RAD51B: variants seen among roughly 807,000 people sequenced by gnomAD.
RAD51B encodes DNA repair protein RAD51 homolog 2.
Under a neutral mutation model 42.2 loss-of-function variants are expected in RAD51B, and 38 were observed. The observed-to-expected ratio is 0.90, with a 90% CI of 0.70 to 1.18. The LOEUF (loss-of-function observed/expected upper bound fraction) is 1.18, where lower values mean the gene tolerates loss of function less well. RAD51B is among the 50% of genes most tolerant of loss of function. RAD51B has a pLI of 0.00. For synonymous variants in RAD51B, 154 were observed against 145.2 expected, an observed-to-expected ratio of 1.06 and a Z score of -0.43; for missense variants, 373 against 400.7, an observed-to-expected ratio of 0.93 and a Z score of 0.59.
At chr14:68,564,554 G>A (rs528123953) in intron 10 of RAD51B, among the ~76,000 whole-genome samples, 3 of 152,282 alleles carry the variant, frequency 2.0e-5, no homozygotes, top group East Asian at 1.9e-4. Flanking sequence ...GAAGCTTCAC[G>A]ATCCCTTACT....
intron 8 of RAD51B, among the ~76,000 whole-genome samples, chr14:68,315,430 C>T (rs2082037295): frequency 6.6e-6 from 1 of 152,182 alleles, no homozygotes. Context: ...ATGTTAAAAA[C>T]AACAACATCA....
intron 10 of RAD51B, among the ~76,000 whole-genome samples, chr14:68,593,225 G>T (rs34615104): frequency 0.013 from 1,934 of 152,320 alleles, 19 homozygotes; most frequent in Non-Finnish European, 0.019. Flanking sequence ...GCAAGTTAAT[G>T]AACCTCTCTG....
At position 68,565,418 on chromosome 14, in the gene RAD51B, C is replaced by G. The variant is rs992290659; in HGVS notation, c.1037-29067C>G. Among the ~76,000 whole-genome samples the G allele has an allele frequency of 6.6e-6, 1 of 152,160 alleles. No homozygotes were observed. The highest frequency in any genetic ancestry group is 1.5e-5 in the Non-Finnish European group (1 of 68,030). On this transcript the variant is annotated intron_variant, in intron 10 of 10. Transcript: ENST00000487270. This position sits in a 1 kb window ranked among gnomAD's most constrained non-coding sequence, Gnocchi z 4.1. ...TGGGGCACTTGGGATCTGGCTCTCTCAGAGCCAAGCCTTTCTGTTTGGAGT... is the reference window on the plus strand; with the variant it reads ...TGGGGCACTTGGGATCTGGCTCTCTGAGAGCCAAGCCTTTCTGTTTGGAGT...
exon 11 of RAD51B, chr14:68,595,288 C>T: frequency 1.9e-6 from 2 of 1,064,786 alleles, no homozygotes; most frequent in Non-Finnish European, 2.3e-6. Flanking sequence ...TTGCTAAAGG[C>T]ATTTCGCTTC....
intron 7 of RAD51B, among the ~76,000 whole-genome samples, chr14:68,022,286 G>T (rs1043462344): frequency 6.6e-6 from 1 of 152,148 alleles, no homozygotes; most frequent in African/African-American, 2.4e-5. Flanking sequence ...TGGCTGTGTA[G>T]TATTTCATGG....
chr14:68,390,738 T>C (rs1026127549), intron 8 of RAD51B, among the ~76,000 whole-genome samples: 1 of 152,232 alleles, frequency 6.6e-6, no homozygotes, highest in African/African-American at 2.4e-5. Context: ...TTGGGGAAAC[T>C]GAGGCTTAAG....
In RAD51B at chr14:68,112,495, C is replaced by T. The variant is rs751997159; in HGVS notation, c.757-179389C>T. Among the ~76,000 whole-genome samples the T allele has an allele frequency of 3.3e-5, 5 of 152,250 alleles. No individual in the cohort carries two copies. The South Asian group carries it at 1.0e-3, about 32-fold the overall frequency. On this transcript the variant is annotated intron_variant, in intron 7 of 10. Transcript: ENST00000471583. ...GTAGAGATACATGATGACACAGTCA[C>T]AAATCTAATTCTTCATGCAGATAGT...
At chr14:68,146,401 G>A (rs971692942) in intron 7 of RAD51B, among the ~76,000 whole-genome samples, 2 of 152,060 alleles carry the variant, frequency 1.3e-5, no homozygotes, top group African/African-American at 4.8e-5. Context: ...CTCCAGCCTG[G>A]GCAACAGACT....
At chr14:67,947,307 G>T (rs2045429468) in intron 7 of RAD51B, among the ~76,000 whole-genome samples, 2 of 152,158 alleles carry the variant, frequency 1.3e-5, no homozygotes, top group South Asian at 4.1e-4. Context: ...CGGGGGTTAG[G>T]AAATAGTTTC....
intron 7 of RAD51B, among the ~76,000 whole-genome samples, chr14:68,040,814 A>C (rs981843499): frequency 6.6e-6 from 1 of 152,150 alleles, no homozygotes; most frequent in Non-Finnish European, 1.5e-5. Context: ...CTCTGGCCTC[A>C]CTCCAGACCT....
intron 7 of RAD51B, among the ~76,000 whole-genome samples, chr14:67,902,555 G>A (rs17104758): frequency 0.054 from 8,143 of 152,174 alleles, 502 homozygotes; most frequent in African/African-American, 0.15. Flanking sequence ...AGATTGTAAC[G>A]ACATCTGGCT....
chr14:68,436,709 A>G (rs1185269810), intron 9 of RAD51B, among the ~76,000 whole-genome samples: 1 of 152,102 alleles, frequency 6.6e-6, no homozygotes, highest in Non-Finnish European at 1.5e-5. Flanking sequence ...AGTTACTTGT[A>G]GTTCTCCTTG....
At position 68,062,814 on chromosome 14, in the gene RAD51B, CA is replaced by C. The variant is rs962527138; in HGVS notation, c.756+175627del. 4.7e-3 allele frequency among the ~76,000 whole-genome samples: 188 copies of C among 39,768 alleles called. 1 individual carries two copies. In the South Asian group the frequency reaches 0.077, roughly 16 times the overall value. 26.1% of individuals were successfully genotyped at this position (39,768 alleles called of 152,430 possible). On this transcript the variant is annotated intron_variant, in intron 7 of 10. Coordinates refer to ENST00000471583, the MANE Select transcript of RAD51B (RefSeq NM_133510.4). Reference sequence around the variant, plus strand: ...CCTGGGCAAGAGTGAGACTCTGTGACAAAAAAAAAAAAAAAAAGAAAAAAAA... The same window carrying C: ...CCTGGGCAAGAGTGAGACTCTGTGACAAAAAAAAAAAAAAAAGAAAAAAAA...
chr14:67,979,416 G>A (rs1261559643), intron 7 of RAD51B, among the ~76,000 whole-genome samples: 2 of 151,930 alleles, frequency 1.3e-5, no homozygotes, highest in African/African-American at 4.8e-5. Flanking sequence ...CTGGGTGGTG[G>A]GCCCCCAACC....
intron 9 of RAD51B, among the ~76,000 whole-genome samples, chr14:68,426,155 G>A (rs1306577928): frequency 3.3e-5 from 5 of 151,144 alleles, no homozygotes; most frequent in East Asian, 1.9e-4. Context: ...CACAACCTCC[G>A]CCTCCCAGGC....
intron 7 of RAD51B, among the ~76,000 whole-genome samples, chr14:68,122,970 CACACACACACAG>C (rs944856512): frequency 1.2e-4 from 19 of 152,114 alleles, no homozygotes; most frequent in Admixed American, 2.6e-4. Flanking sequence ...AACACACACA[CACACACACACAG>C]ACACACACAC....
intron 8 of RAD51B, among the ~76,000 whole-genome samples, chr14:68,330,368 C>A (rs1481392632): frequency 6.6e-6 from 1 of 152,174 alleles, no homozygotes; most frequent in Non-Finnish European, 1.5e-5. Context: ...CCCCCTTCCA[C>A]TGAGTATATT....
chr14:68,548,729 C>G (rs1248663963), intron 10 of RAD51B, among the ~76,000 whole-genome samples: 2 of 152,150 alleles, frequency 1.3e-5, no homozygotes, highest in African/African-American at 2.4e-5. Context: ...GCAGGGTGGG[C>G]GTCCTGACAC....
rs538616407 is a variant in RAD51B, at chr14:67,948,230, C to G, written c.756+61026C>G. On this transcript the variant is annotated intron_variant, in intron 7 of 10. Transcript: ENST00000471583. ...ACTCTCCTAAGAGTGAGAGGTGATC[C>G]TACAGCCAGTGGCTTGCTTGGTTGT... Among the ~76,000 whole-genome samples, 7 of 152,216 alleles carry G rather than the reference C, an allele frequency of 4.6e-5. No individual in the cohort carries two copies. In the South Asian group the frequency reaches 1.5e-3, roughly 32 times the overall value.
Sources: allele counts gnomAD v4.1 joint callset (sites outside exome capture counted in the v4.1 genomes callset), GRCh38; gene constraint gnomAD v4.1.1; non-coding constraint Gnocchi (gnomAD v3.1); transcripts MANE v1.5; gene names NCBI Gene and HGNC (gene_info 2026-07-23, HGNC 2026-07-21).